Variants in FTCD observed in about 807,000 individuals in gnomAD.
FTCD encodes formimidoyltransferase cyclodeaminase.
FTCD carries 76 observed loss-of-function variants against 62.9 expected under a neutral mutation model. The observed-to-expected ratio is 1.21, with a 90% CI of 1.00 to 1.46. FTCD has a LOEUF of 1.46. Among genes scored for constraint, FTCD ranks in the 40% most tolerant of loss-of-function variants. FTCD has a pLI of 0.00. For synonymous variants in FTCD, 397 were observed against 336.9 expected, an observed-to-expected ratio of 1.18 and a Z score of -1.95; for missense variants, 845 against 751.3, an observed-to-expected ratio of 1.12 and a Z score of -1.46.
At chr21:46,150,675 T>A in intron 5 of FTCD, 150 bp from the exon 6 acceptor site, 2 of 853,756 alleles carry the variant, frequency 2.3e-6, no homozygotes, top group Middle Eastern at 5.0e-4. Context: ...CTCACTGAGC[T>A]GGCCGGGGAG....
At chr21:46,143,380 C>T (rs1241370373) in intron 10 of FTCD, among the ~76,000 whole-genome samples, 1 of 151,516 alleles carries the variant, frequency 6.6e-6, no homozygotes, top group Non-Finnish European at 1.5e-5. Context: ...TCCCCATCTC[C>T]CTCTTGTGGG....
At chr21:46,152,785 T>G in intron 3 of FTCD, 122 bp downstream of exon 3, 2 of 846,142 alleles carry the variant, frequency 2.4e-6, no homozygotes, top group Non-Finnish European at 3.5e-6. Context: ...CATGTTGGCT[T>G]TTTGGAACAC....
At chr21:46,144,104 G>C (rs1163609499) in intron 10 of FTCD, among the ~76,000 whole-genome samples, 1 of 151,926 alleles carries the variant, frequency 6.6e-6, no homozygotes, top group Non-Finnish European at 1.5e-5. Context: ...CCCCTGTGCG[G>C]TGGACATGTG....
intron 10 of FTCD, chr21:46,141,970 G>C (rs895305010): frequency 1.1e-4 from 16 of 152,284 alleles, no homozygotes; most frequent in African/African-American, 3.9e-4. Context: ...GCCAGGCTGG[G>C]AGCGGGCGGG....
At chr21:46,137,685 C>T (rs891606282) in intron 12 of FTCD, among the ~76,000 whole-genome samples, 1 of 152,084 alleles carries the variant, frequency 6.6e-6, no homozygotes, top group African/African-American at 2.4e-5. Flanking sequence ...TGCCCAGGGA[C>T]ACTTCCCAGG....
In FTCD at chr21:46,146,191, G is replaced by A. The variant is rs933531660; in HGVS notation, c.968+75C>T. 10 of 1,070,900 alleles carry A rather than the reference G, an allele frequency of 9.3e-6. No homozygotes were observed. In the South Asian group the frequency reaches 1.3e-4, roughly 14 times the overall value. 66.3% of individuals were successfully genotyped at this position (1,070,900 alleles called of 1,614,324 possible). ...GGACTCAGCCGGGTCTCCACGCAGG[G>A]ACCCCAGCGCCCCGCAAGGCCCGAG... is the stretch of plus-strand genomic sequence containing the variant. On this transcript the variant is annotated intron_variant, in intron 8 of 13. Transcript: ENST00000397746.
intron 10 of FTCD, among the ~76,000 whole-genome samples, chr21:46,144,729 C>T (rs1324334794): frequency 9.8e-6 from 1 of 102,100 alleles, no homozygotes; most frequent in Middle Eastern, 4.2e-3. Flanking sequence ...TCTTCTCTCT[C>T]CCCTCCCTCT....
At chr21:46,138,718 C>T (rs1255159330) in intron 11 of FTCD, 72 bp from the exon 12 acceptor site, 3 of 1,522,886 alleles carry the variant, frequency 2.0e-6, no homozygotes, top group Non-Finnish European at 2.7e-6. Flanking sequence ...TGCACCCCAA[C>T]AGGGCTGAGC....
chr21:46,141,580 A>C (rs1038986499), intron 10 of FTCD, among the ~76,000 whole-genome samples: 1 of 152,164 alleles, frequency 6.6e-6, no homozygotes, highest in African/African-American at 2.4e-5. Flanking sequence ...TACAAGACCC[A>C]AAAAATATAA....
intron 10 of FTCD, chr21:46,142,530 G>A (rs1400240460): frequency 6.6e-6 from 1 of 152,042 alleles, no homozygotes; most frequent in Non-Finnish European, 1.5e-5. Context: ...ACAGCTGTTA[G>A]CTCCTCCCGG....
At position 46,145,914 on chromosome 21, in the gene FTCD, G is replaced by C; in HGVS notation, c.1002C>G (p.Gly334=). 2.0e-6 allele frequency: 3 copies of C among 1,501,510 alleles called. No individual in the cohort carries two copies. Among genetic ancestry groups the C allele is most frequent in the African/African-American group, 2.9e-5 (2 of 68,072 alleles). The allele number at this position is 1,501,510 out of a possible 1,614,324, so 93.0% of individuals were successfully genotyped here. A position where few individuals can be genotyped will look rare whatever the true frequency, so the allele number is the denominator to read the frequency against. Residue 334 remains glycine (G), a synonymous_variant, in exon 9 of 14, where the codon GGC becomes GGG. Transcript: ENST00000397746. ...YLVPERGPER[G]LGSKSLRAFV... ...AGGCGCGCAGGGACTTGCTGCCCAG[G>C]CCTCGCTCAGGCCCGCGCTCAGGGA...
intron 3 of FTCD, 46 bp downstream of exon 3, chr21:46,152,861 C>T (rs1347834012): frequency 2.7e-6 from 4 of 1,505,562 alleles, no homozygotes; most frequent in Non-Finnish European, 2.7e-6. Flanking sequence ...ATAACCCACA[C>T]CAATGAGACG....
intron 4 of FTCD, 51 bp from the exon 5 acceptor site, chr21:46,151,788 C>T (rs954872247): frequency 4.4e-6 from 7 of 1,601,428 alleles, no homozygotes; most frequent in African/African-American, 2.7e-5. Flanking sequence ...GAGGGAACAG[C>T]CCCCCGGGGT....
At chr21:46,152,119 T>C in intron 3 of FTCD, 139 bp from the exon 4 acceptor site, 1 of 630,534 alleles carries the variant, frequency 1.6e-6, no homozygotes. Context: ...GAGTGCCCGT[T>C]CTCCGCCTTG....
intron 10 of FTCD, chr21:46,139,199 C>G: frequency 1.8e-6 from 1 of 541,830 alleles, no homozygotes; most frequent in Non-Finnish European, 3.3e-6. Context: ...AGCTAAAGAG[C>G]CTGAGGGCCC....
chr21:46,137,476 CCA>C, intron 12 of FTCD, 142 bp from the exon 13 acceptor site: 2 of 729,206 alleles, frequency 2.7e-6, no homozygotes, highest in South Asian at 1.4e-5. Flanking sequence ...CGCTTTCGCC[CCA>C]CAGAGGGCTA....
chr21:46,146,371 A>C, intron 7 of FTCD, 44 bp from the exon 8 acceptor site: 2 of 1,371,904 alleles, frequency 1.5e-6, no homozygotes, highest in Non-Finnish European at 2.0e-6. Context: ...GCGCGTCTCC[A>C]CCACCAGGAA....
At chr21:46,151,429 G>T in intron 5 of FTCD, 129 bp downstream of exon 5, 2 of 836,534 alleles carry the variant, frequency 2.4e-6, no homozygotes, top group Non-Finnish European at 2.0e-6. Context: ...GGGCCGGTCT[G>T]CAGGTGGGAG....
intron 2 of FTCD, 37 bp from the exon 3 acceptor site, chr21:46,153,072 TGTGGGAGCGG>T (rs2079339476): frequency 1.3e-6 from 2 of 1,536,870 alleles, no homozygotes; most frequent in Non-Finnish European, 8.8e-7. Flanking sequence ...GGAGGCCAGG[TGTGGGAGCGG>T]GTGGGAGCTC....
Sources: allele counts gnomAD v4.1 joint callset (sites outside exome capture counted in the v4.1 genomes callset), GRCh38; gene constraint gnomAD v4.1.1; transcripts MANE v1.5; gene names NCBI Gene and HGNC (gene_info 2026-07-23, HGNC 2026-07-21).